The following PPP2R5C variants were observed in gnomAD, a reference collection of about 807,000 sequenced individuals.
PPP2R5C encodes serine/threonine-protein phosphatase 2A 56 kDa regulatory subunit gamma isoform.
A neutral mutation model predicts 68.9 loss-of-function variants in PPP2R5C; 7 were observed. The ratio of observed to expected loss-of-function variants is 0.10; its 90% CI spans 0.06 to 0.19. PPP2R5C has a LOEUF of 0.19. Among genes scored for constraint, PPP2R5C ranks in the 10% least tolerant of loss-of-function variants. The pLI, the probability that PPP2R5C is intolerant of heterozygous loss-of-function variation, is 1.00. For synonymous variants in PPP2R5C, 210 were observed against 222.2 expected, an observed-to-expected ratio of 0.95 and a Z score of 0.49; for missense variants, 348 against 641.3, an observed-to-expected ratio of 0.54 and a Z score of 4.94.
intron 1 of PPP2R5C, among the ~76,000 whole-genome samples, chr14:101,823,185 A>T (rs1008242294): frequency 2.0e-5 from 3 of 152,244 alleles, no homozygotes; most frequent in Non-Finnish European, 4.4e-5. Flanking sequence ...CTTTGGCAGG[A>T]AATGGGGACC....
intron 2 of PPP2R5C, among the ~76,000 whole-genome samples, chr14:101,857,124 A>C (rs1321733361): frequency 1.3e-5 from 2 of 152,210 alleles, no homozygotes; most frequent in Non-Finnish European, 2.9e-5. Flanking sequence ...TAACTCATTT[A>C]ATCCTCACAA....
chr14:101,846,667 C>T (rs911987712), intron 1 of PPP2R5C, among the ~76,000 whole-genome samples: 1 of 152,134 alleles, frequency 6.6e-6, no homozygotes, highest in Non-Finnish European at 1.5e-5. Context: ...ATCCTTGTTA[C>T]CAAAAATGAG....
chr14:101,810,900 T>G (rs1261078776), intron 1 of PPP2R5C, among the ~76,000 whole-genome samples: 1 of 152,214 alleles, frequency 6.6e-6, no homozygotes, highest in East Asian at 1.9e-4. Context: ...AATTTTTTTT[T>G]GGTCATAATT....
intron 1 of PPP2R5C, among the ~76,000 whole-genome samples, chr14:101,826,628 T>A (rs2040415483): frequency 6.6e-6 from 1 of 152,234 alleles, no homozygotes; most frequent in Non-Finnish European, 1.5e-5. Context: ...CCTTTTGGTA[T>A]ATTGGGTCCA....
At chr14:101,841,149 G>A (rs905675226) in intron 1 of PPP2R5C, among the ~76,000 whole-genome samples, 8 of 152,152 alleles carry the variant, frequency 5.3e-5, no homozygotes, top group South Asian at 2.1e-4. Flanking sequence ...CAAAGAGATC[G>A]TTTTCTGCCC....
exon 3 of PPP2R5C, chr14:101,786,172 C>G: frequency 6.4e-7 from 1 of 1,559,888 alleles, no homozygotes; most frequent in Non-Finnish European, 8.6e-7. Context: ...CAAAAACTAC[C>G]ATCCTTAAAA....
chr14:101,792,843 C>A (rs1236458484), intron 3 of PPP2R5C, among the ~76,000 whole-genome samples: 1 of 150,190 alleles, frequency 6.7e-6, no homozygotes, highest in Admixed American at 6.6e-5. Flanking sequence ...TCATTTAATA[C>A]CTTCTCTTCC....
chr14:101,761,940 C>T lies in PPP2R5C; in HGVS notation c.27+20C>T, dbSNP rs2036564734. On this transcript the variant is annotated intron_variant, in intron 1 of 14. Coordinates refer to the PPP2R5C transcript ENST00000328724. ...GAGAAAGTGAGTCCGGGCCCGGCCG[C>T]GGGACGGAGGGAGCAGGGAGGGACT... The T allele has an allele frequency of 8.4e-7, 1 of 1,189,534 alleles. No homozygotes were observed. The highest frequency in any genetic ancestry group is 1.1e-6 in the Non-Finnish European group (1 of 951,366). The allele number at this position is 1,189,534 out of a possible 1,614,324, so 73.7% of individuals were successfully genotyped here.
intron 2 of PPP2R5C, among the ~76,000 whole-genome samples, chr14:101,869,466 A>T (rs1330458648): frequency 2.0e-5 from 3 of 152,066 alleles, no homozygotes; most frequent in Non-Finnish European, 4.4e-5. Flanking sequence ...CGCTAGGTGA[A>T]TGGTAAGTGT....
exon 1 of PPP2R5C, chr14:101,809,966 C>T (rs200109462): frequency 1.9e-6 from 3 of 1,613,812 alleles, no homozygotes; most frequent in Non-Finnish European, 2.5e-6. Flanking sequence ...ATAAAGCGGG[C>T]AGCAGGATGG....
intron 2 of PPP2R5C, chr14:101,766,555 C>G (rs923601201): frequency 2.0e-5 from 3 of 152,188 alleles, no homozygotes; most frequent in Admixed American, 6.5e-5. Context: ...TAACTTTTGC[C>G]TTATTCTAGA....
At chr14:101,788,116 A>G (rs2038203335) in intron 3 of PPP2R5C, among the ~76,000 whole-genome samples, 1 of 152,188 alleles carries the variant, frequency 6.6e-6, no homozygotes, top group Non-Finnish European at 1.5e-5. Context: ...GAGGGAGGGA[A>G]AAGGCTTTGT....
chr14:101,790,484 C>T (rs970539822), intron 3 of PPP2R5C, among the ~76,000 whole-genome samples: 2 of 152,196 alleles, frequency 1.3e-5, no homozygotes, highest in Non-Finnish European at 2.9e-5. Context: ...TACTTTCTTC[C>T]GGACACTTCA....
At chr14:101,881,354 C>T (rs929210690) in intron 2 of PPP2R5C, among the ~76,000 whole-genome samples, 13 of 152,066 alleles carry the variant, frequency 8.5e-5, no homozygotes, top group African/African-American at 2.9e-4. Context: ...GAGTCGAGTT[C>T]GCACCACTAC....
chr14:101,871,067 C>T (rs952514181), intron 2 of PPP2R5C, among the ~76,000 whole-genome samples: 13 of 152,110 alleles, frequency 8.5e-5, no homozygotes, highest in Admixed American at 3.9e-4. Flanking sequence ...AAATCCACTC[C>T]GTCTCACCTT....
chr14:101,812,106 T>C (rs185848267), intron 1 of PPP2R5C, among the ~76,000 whole-genome samples: 1 of 152,346 alleles, frequency 6.6e-6, no homozygotes, highest in Non-Finnish European at 1.5e-5. Context: ...TAAAGACTTT[T>C]CTGGAGCGAG....
At chr14:101,804,109 G>T (rs1414547736) in intron 3 of PPP2R5C, among the ~76,000 whole-genome samples, 2 of 152,144 alleles carry the variant, frequency 1.3e-5, no homozygotes, top group African/African-American at 4.8e-5. Flanking sequence ...TGGCAAACAG[G>T]CCTATGAAAA....
At chr14:101,859,209 T>C (rs2140606388) in intron 2 of PPP2R5C, among the ~76,000 whole-genome samples, 1 of 152,366 alleles carries the variant, frequency 6.6e-6, no homozygotes, top group South Asian at 2.1e-4. Flanking sequence ...AAAGCTTTCA[T>C]TTTCACGTGG....
chr14:101,917,889 G>A lies in PPP2R5C; in HGVS notation c.1385G>A (p.Gly462Glu). Residue 462 changes from glycine (G) to glutamate (E), a missense_variant, in exon 13 of 14, where the codon GGG becomes GAG. Transcript: ENST00000334743. The surrounding 1 kb of genome is among the most constrained non-coding windows in gnomAD (Gnocchi z 4.4). ...ATTCCGGTTGCAATGGAGACAGATG[G>A]GCCTTTATTTGAAGATGTGCAGATG... is the stretch of plus-strand genomic sequence containing the variant. The A allele has an allele frequency of 6.2e-7, 1 of 1,613,842 alleles. No individual in the cohort carries two copies. The highest frequency in any genetic ancestry group is 8.5e-7 in the Non-Finnish European group (1 of 1,179,810).
Sources: gnomAD v4.1 joint callset for allele counts (sites outside exome capture counted in the v4.1 genomes callset) on GRCh38, gnomAD v4.1.1 for gene constraint, Gnocchi (gnomAD v3.1) non-coding constraint, MANE v1.5 for transcripts, NCBI Gene and HGNC (gene_info 2026-07-23, HGNC 2026-07-21) for gene names.